Variants in C1orf115 observed in about 807,000 individuals in gnomAD.
C1orf115 encodes the protein required for drug-induced death protein 1.
In C1orf115, 14 loss-of-function variants were observed where a neutral mutation model predicts 12.5. The ratio of observed to expected loss-of-function variants is 1.12; its 90% CI spans 0.74 to 1.75. C1orf115 has a LOEUF of 1.75. Among genes scored for constraint, C1orf115 ranks in the 40% most tolerant of loss-of-function variants. The pLI, the probability that C1orf115 is intolerant of heterozygous loss-of-function variation, is 0.00. For missense variants in C1orf115, 237 were observed against 220.8 expected, an observed-to-expected ratio of 1.07 and a Z score of -0.46; for synonymous variants, 109 against 104.6, an observed-to-expected ratio of 1.04 and a Z score of -0.26.
At chr1:220,691,919 T>TC (rs1572267871) in intron 1 of C1orf115, among the ~76,000 whole-genome samples, 1 of 151,702 alleles carries the variant, frequency 6.6e-6, no homozygotes, top group Non-Finnish European at 1.5e-5. Flanking sequence ...CATAGCTGGC[T>TC]CCCCCCGCCC....
At chr1:220,694,080 C>CAG (rs1670152980) in intron 1 of C1orf115, among the ~76,000 whole-genome samples, 1 of 72,048 alleles carries the variant, frequency 1.4e-5, no homozygotes, top group East Asian at 4.7e-4. Context: ...AACGCGGTCT[C>CAG]AAAAAAAAAA....
At position 220,690,383 on chromosome 1, in the gene C1orf115, G is replaced by C. The variant is rs566719988; in HGVS notation, c.-20G>C. On this transcript the variant is annotated 5_prime_UTR_variant, in exon 1 of 2. Transcript: ENST00000294889. ...TTGGTGTCTTTGCGCTCGGACCTTC[G>C]CCAGAGGGGCCGGGACATCATGACG... The C allele has an allele frequency of 2.2e-6, 3 of 1,389,938 alleles. No individual in the cohort carries two copies. The highest frequency in any genetic ancestry group is 2.8e-6 in the Non-Finnish European group (3 of 1,079,074). The allele number at this position is 1,389,938 out of a possible 1,614,324, so 86.1% of individuals were successfully genotyped here.
intron 1 of C1orf115, among the ~76,000 whole-genome samples, chr1:220,694,152 CCAAA>C (rs1170839282): frequency 1.3e-5 from 2 of 150,746 alleles, no homozygotes; most frequent in Non-Finnish European, 2.9e-5. Flanking sequence ...AGAAACTTTC[CCAAA>C]CAGACAACAA....
rs56816234 is a variant in C1orf115 at position 220,693,915 on chromosome 1, T to C, written c.310-2697T>C. ...CGAACATGGTGAACCCTGTCTCTAC[T>C]AAAAATACAAAAAGATTAGCCTGGC... On this transcript the variant is annotated intron_variant, in intron 1 of 1. Coordinates refer to ENST00000294889, the MANE Select transcript of C1orf115 (RefSeq NM_024709.5). Among the ~76,000 whole-genome samples the C allele has an allele frequency of 2.6e-5, 4 of 151,950 alleles. No homozygotes were observed. In the South Asian group the frequency reaches 8.3e-4, roughly 32 times the overall value.
At position 220,690,655 on chromosome 1, in the gene C1orf115, G is replaced by C; in HGVS notation, c.253G>C (p.Ala85Pro). 1 of 1,592,152 alleles carries C rather than the reference G, an allele frequency of 6.3e-7. No individual in the cohort carries two copies. The highest frequency in any genetic ancestry group is 8.5e-7 in the Non-Finnish European group (1 of 1,170,962). The change falls in exon 1 of 2, where the codon GCG becomes CCG. Residue 85 changes from alanine (A) to proline (P), a missense_variant. By Grantham distance (27) the Ala-to-Pro change is conservative. Coordinates refer to ENST00000294889, the MANE Select transcript of C1orf115 (RefSeq NM_024709.5). ...PERYEPLEEPAPSEQPRKRYR... is the reference protein window; with the variant it reads ...PERYEPLEEPPPSEQPRKRYR... ...GCGCTACGAGCCACTGGAGGAGCCG[G>C]CGCCGAGCGAGCAGCCCAGGAAGAG...
intron 1 of C1orf115, among the ~76,000 whole-genome samples, chr1:220,691,045 G>A (rs1670098398): frequency 6.6e-6 from 1 of 152,152 alleles, no homozygotes; most frequent in South Asian, 2.1e-4. Context: ...AAGCGTTAGC[G>A]CGGCAGGTGA....
intron 1 of C1orf115, among the ~76,000 whole-genome samples, chr1:220,692,206 G>A (rs907239941): frequency 1.3e-5 from 2 of 152,194 alleles, no homozygotes; most frequent in Non-Finnish European, 2.9e-5. Context: ...ATGTAAAATG[G>A]GACAGCTGCT....
intron 1 of C1orf115, among the ~76,000 whole-genome samples, chr1:220,691,911 T>A (rs367580951): frequency 1.6e-4 from 24 of 152,072 alleles, no homozygotes; most frequent in East Asian, 5.8e-4. Flanking sequence ...GACACTGACA[T>A]AGCTGGCTCC....
At chr1:220,693,921 T>TA (rs1444921575) in intron 1 of C1orf115, among the ~76,000 whole-genome samples, 6 of 151,644 alleles carry the variant, frequency 4.0e-5, no homozygotes, top group African/African-American at 1.5e-4. Flanking sequence ...CTACTAAAAA[T>TA]ACAAAAAGAT....
Position 220,698,746 on chromosome 1 carries a change from A to C in C1orf115, c.*2015A>C, listed in dbSNP as rs569306329. 1 of 152,344 alleles carries C rather than the reference A, an allele frequency of 6.6e-6. No individual in the cohort carries two copies. Among genetic ancestry groups the C allele is most frequent in the East Asian group, 1.9e-4 (1 of 5,170 alleles). 9.4% of individuals were successfully genotyped at this position (152,344 alleles called of 1,614,324 possible). On this transcript the variant is annotated 3_prime_UTR_variant, in exon 2 of 2. Transcript: ENST00000294889. ...AGAGCTTCCCCACTCCCATCCCCCAAATTGGAAAAACCGTACATTCAAGCC... is the reference window on the plus strand; with the variant it reads ...AGAGCTTCCCCACTCCCATCCCCCACATTGGAAAAACCGTACATTCAAGCC...
intron 1 of C1orf115, among the ~76,000 whole-genome samples, chr1:220,694,634 G>T (rs1202473749): frequency 6.6e-6 from 1 of 152,164 alleles, no homozygotes; most frequent in African/African-American, 2.4e-5. Context: ...ATAGACAAAG[G>T]CCACCAGGGA....
chr1:220,691,231 G>A (rs1670102588), intron 1 of C1orf115, among the ~76,000 whole-genome samples: 1 of 151,922 alleles, frequency 6.6e-6, no homozygotes, highest in African/African-American at 2.4e-5. Context: ...ATAGGCGCTC[G>A]TTGAATTTTT....
At position 220,690,392 on chromosome 1, in the gene C1orf115, G is replaced by A; in HGVS notation, c.-11G>A. 1 of 1,411,446 alleles carries A rather than the reference G, an allele frequency of 7.1e-7. No individual in the cohort carries two copies. Among genetic ancestry groups the A allele is most frequent in the Non-Finnish European group, 9.2e-7 (1 of 1,090,958 alleles). 87.4% of individuals were successfully genotyped at this position (1,411,446 alleles called of 1,614,324 possible). A position where few individuals can be genotyped will look rare whatever the true frequency, so the allele number is the denominator to read the frequency against. On this transcript the variant is annotated 5_prime_UTR_variant, in exon 1 of 2. Transcript: ENST00000294889. Reference sequence around the variant, plus strand: ...TTGCGCTCGGACCTTCGCCAGAGGGGCCGGGACATCATGACGGTGGGAGCC... The same window carrying A: ...TTGCGCTCGGACCTTCGCCAGAGGGACCGGGACATCATGACGGTGGGAGCC...
chr1:220,690,858 G>A, intron 1 of C1orf115, 147 bp downstream of exon 1: 1 of 1,021,704 alleles, frequency 9.8e-7, no homozygotes, highest in Admixed American at 3.2e-5. Context: ...CCTCGCCGGA[G>A]GGAAGCCGCG....
At position 220,690,556 on chromosome 1, in the gene C1orf115, G is replaced by C. The variant is rs762244619; in HGVS notation, c.154G>C (p.Gly52Arg). 8 of 1,467,538 alleles carry C rather than the reference G, an allele frequency of 5.5e-6. No individual in the cohort carries two copies. Among genetic ancestry groups the C allele is most frequent in the Middle Eastern group, 4.7e-4 (2 of 4,224 alleles). 90.9% of individuals were successfully genotyped at this position (1,467,538 alleles called of 1,614,324 possible). A position where few individuals can be genotyped will look rare whatever the true frequency, so the allele number is the denominator to read the frequency against. The change falls in exon 1 of 2, where the codon GGG becomes CGG. Residue 52 changes from glycine to arginine, a missense_variant. Gly to Arg is a moderately radical substitution (Grantham distance 125). Coordinates refer to ENST00000294889, the MANE Select transcript of C1orf115 (RefSeq NM_024709.5). The part of the protein sequence containing the change: ...ADEAEAAAES[G>R]TSAADERGPG... ...CGAGGCGGAGGCGGCGGCCGAGAGC[G>C]GGACGAGCGCGGCGGACGAGCGGGG...
At chr1:220,696,543 T>C in intron 1 of C1orf115, 69 bp from the exon 2 acceptor site, 1 of 1,474,074 alleles carries the variant, frequency 6.8e-7, no homozygotes, top group South Asian at 1.4e-5. Flanking sequence ...TTTTTTTTCA[T>C]GAAAGATGGC....
chr1:220,696,780 G>C lies in C1orf115; in HGVS notation c.*49G>C, dbSNP rs972892555. 9 of 1,537,442 alleles carry C rather than the reference G, an allele frequency of 5.9e-6. No individual in the cohort carries two copies. In the South Asian group the frequency reaches 1.1e-4, roughly 19 times the overall value. On this transcript the variant is annotated 3_prime_UTR_variant, in exon 2 of 2. Transcript: ENST00000294889. ...CCCAGAGTGAACGGGAGCCCCTGCT[G>C]TGGGAACTTTGTGAATCCTGGAGCA...
Position 220,690,651 on chromosome 1 carries a change from G to A in C1orf115, c.249G>A (p.Glu83=), listed in dbSNP as rs573058187. The stretch of plus-strand genomic sequence containing the variant: ...CCGAGCGCTACGAGCCACTGGAGGA[G>A]CCGGCGCCGAGCGAGCAGCCCAGGA... ...LLPERYEPLE[E]PAPSEQPRKR... The change falls in exon 1 of 2, where the codon GAG becomes GAA. Residue 83 remains glutamate (E), a synonymous_variant. Coordinates refer to ENST00000294889, the MANE Select transcript of C1orf115 (RefSeq NM_024709.5). 141 of 1,590,716 alleles carry A rather than the reference G, an allele frequency of 8.9e-5. No homozygotes were observed. The East Asian group carries it at 3.3e-3, about 37-fold the overall frequency.
At chr1:220,690,925 T>C (rs532315248) in intron 1 of C1orf115, among the ~76,000 whole-genome samples, 1 of 152,314 alleles carries the variant, frequency 6.6e-6, no homozygotes, top group African/African-American at 2.4e-5. Context: ...GTCCCTGCTG[T>C]GCCTGCTATT....
Sources: gnomAD v4.1 joint callset for allele counts (sites outside exome capture counted in the v4.1 genomes callset) on GRCh38, gnomAD v4.1.1 for gene constraint, MANE v1.5 for transcripts, NCBI Gene and HGNC (gene_info 2026-07-23, HGNC 2026-07-21) for gene names.